Variants in STS observed in about 807,000 individuals in gnomAD.
STS encodes steryl-sulfatase.
A neutral mutation model predicts 26.8 loss-of-function variants in STS; 7 were observed. That is an observed-to-expected ratio of 0.26 (90% CI 0.15 to 0.49). The LOEUF is 0.49. Ranked by LOEUF, STS falls within the 20% of genes least tolerant of loss-of-function variation. The probability of loss-of-function intolerance (pLI) is 0.98; values close to 1 mark genes in which losing one functional copy is unlikely to be tolerated. For missense variants in STS, 434 were observed against 465.6 expected, an observed-to-expected ratio of 0.93 and a Z score of 0.63; for synonymous variants, 199 against 189.4, an observed-to-expected ratio of 1.05 and a Z score of -0.42.
chrX:7,325,658 G>A (rs1223096402), intron 9 of STS, among the ~76,000 whole-genome samples, 160 bp downstream of exon 9: 1 of 112,542 alleles, frequency 8.9e-6, no homozygotes, highest in African/African-American at 3.2e-5. Flanking sequence ...AGGATAAAAG[G>A]CATATACATT....
In STS at chrX:7,163,672, A is replaced by T. The variant is rs899678017; in HGVS notation, c.-134+15589A>T. On this transcript the variant is annotated intron_variant, in intron 1 of 10. Transcript: ENST00000674429. The stretch of plus-strand genomic sequence containing the variant: ...AATGTAGGTTTGCAATCCTTTGTCC[A>T]TAACCAAAAATAGAAAAGAAAAACA... 4.3e-4 allele frequency among the ~76,000 whole-genome samples: 48 copies of T among 112,660 alleles called. 1 individual carries two copies. The highest frequency in any genetic ancestry group is 3.4e-4 in the Non-Finnish European group (18 of 53,358).
chrX:7,194,910 G>C (rs1000452788), intron 2 of STS, among the ~76,000 whole-genome samples: 5 of 111,346 alleles, frequency 4.5e-5, no homozygotes, highest in Non-Finnish European at 7.5e-5. Context: ...GTATGGTATG[G>C]CCTATTGCTC....
intron 5 of STS, 52 bp from the exon 6 acceptor site, chrX:7,259,297 T>A: frequency 1.8e-6 from 2 of 1,112,428 alleles, no homozygotes; most frequent in Non-Finnish European, 2.5e-6. Flanking sequence ...AAGCTTGGAT[T>A]GGAATCAGGG....
rs139893307 is a variant in STS, at chrX:7,245,266, C to T, written c.-4-7930C>T. 7.4e-3 allele frequency among the ~76,000 whole-genome samples: 823 copies of T among 111,899 alleles called. 3 individuals carry two copies. The highest frequency in any genetic ancestry group is 0.013 in the Non-Finnish European group (676 of 53,185). On this transcript the variant is annotated intron_variant, in intron 2 of 10. Coordinates refer to ENST00000674429, the MANE Select transcript of STS (RefSeq NM_001320752.2). ...AAAACCTCTAGTGTGTCTCACTCTT[C>T]ATATTTAAAGACGGATGCTAATTTT...
intron 5 of STS, among the ~76,000 whole-genome samples, chrX:7,258,085 T>G (rs1923521829): frequency 1.0e-5 from 1 of 95,269 alleles, no homozygotes; most frequent in Non-Finnish European, 2.1e-5. Context: ...GCTAGATAGA[T>G]AGAGAAATAG....
intron 10 of STS, among the ~76,000 whole-genome samples, chrX:7,335,221 C>A (rs972751775): frequency 2.7e-5 from 3 of 112,402 alleles, no homozygotes; most frequent in Admixed American, 9.4e-5. Context: ...TACACTCCCA[C>A]CAACAGTGTA....
At chrX:7,286,711 G>A (rs1237210666) in intron 7 of STS, among the ~76,000 whole-genome samples, 2 of 111,544 alleles carry the variant, frequency 1.8e-5, no homozygotes, top group African/African-American at 6.5e-5. Context: ...ATTGCCAAAC[G>A]TATTTAATAA....
chrX:7,345,191 T>C (rs1400823419), intron 10 of STS, among the ~76,000 whole-genome samples: 1 of 111,394 alleles, frequency 9.0e-6, no homozygotes, highest in Non-Finnish European at 1.9e-5. Context: ...AACAAAAAGA[T>C]GCAGATGAAC....
intron 2 of STS, among the ~76,000 whole-genome samples, chrX:7,248,003 A>G (rs1340965759): frequency 6.3e-5 from 7 of 111,947 alleles, no homozygotes; most frequent in African/African-American, 2.3e-4. Flanking sequence ...ATGGGGGAGA[A>G]CTGCAAAAGA....
intron 8 of STS, among the ~76,000 whole-genome samples, chrX:7,325,060 G>C (rs1172744267): frequency 1.8e-5 from 2 of 111,721 alleles, no homozygotes; most frequent in African/African-American, 3.3e-5. Flanking sequence ...TGAATCTTTG[G>C]TGACTCAAAT....
intron 2 of STS, among the ~76,000 whole-genome samples, chrX:7,220,862 A>G (rs1455792041): frequency 9.0e-6 from 1 of 110,793 alleles, no homozygotes; most frequent in African/African-American, 3.3e-5. Context: ...GATGGTTTTT[A>G]TACCCTTAAG....
chrX:7,276,200 A>G (rs1924529497), intron 7 of STS, 113 bp downstream of exon 7: 1 of 1,020,179 alleles, frequency 9.8e-7, no homozygotes, highest in Admixed American at 2.5e-5. Context: ...CAGCAAATGT[A>G]TGGGGTTTTT....
intron 2 of STS, among the ~76,000 whole-genome samples, chrX:7,195,431 T>TCTGTGGAC (rs1465293761): frequency 8.9e-6 from 1 of 112,405 alleles, no homozygotes; most frequent in African/African-American, 3.2e-5. Context: ...GTGTTGTGGC[T>TCTGTGGAC]CTGTGGACCT....
Position 7,350,201 on chromosome X carries a change from T to G in STS, c.1677T>G (p.Pro559=). The G allele has an allele frequency of 8.3e-7, 1 of 1,211,842 alleles. No individual in the cohort carries two copies. Among genetic ancestry groups the G allele is most frequent in the Non-Finnish European group, 1.1e-6 (1 of 895,395 alleles). Residue 559 remains proline (P), a synonymous_variant, in exon 11 of 11, where the codon CCT becomes CCG. Transcript: ENST00000674429. ...LWKPWLQLCC[P]STGLSCQCDR... ...AGCCCTGGCTTCAGCTGTGCTGTCC[T>G]TCCACCGGCCTGTCTTGCCAGTGTG... is the stretch of plus-strand genomic sequence containing the variant.
chrX:7,276,972 A>G (rs748424357), intron 7 of STS, among the ~76,000 whole-genome samples: 3 of 111,724 alleles, frequency 2.7e-5, no homozygotes, highest in African/African-American at 9.8e-5. Flanking sequence ...AGATCCCAGG[A>G]TGGGGGATTA....
At chrX:7,214,453 G>C (rs1225423240) in intron 2 of STS, among the ~76,000 whole-genome samples, 1 of 112,422 alleles carries the variant, frequency 8.9e-6, no homozygotes, top group Non-Finnish European at 1.9e-5. Context: ...ATCTGAGTCA[G>C]TACACTACTC....
intron 10 of STS, among the ~76,000 whole-genome samples, chrX:7,342,692 AG>A (rs1307945858): frequency 8.9e-6 from 1 of 112,472 alleles, no homozygotes; most frequent in Admixed American, 9.4e-5. Context: ...CTGAATAGTT[AG>A]GGGGTTTGTG....
At chrX:7,218,797 C>G (rs1192868109) in intron 2 of STS, among the ~76,000 whole-genome samples, 1 of 112,081 alleles carries the variant, frequency 8.9e-6, no homozygotes, top group African/African-American at 3.2e-5. Flanking sequence ...GGTGGTATTT[C>G]AACTTAGCAA....
In STS at chrX:7,275,946, TGCA is replaced by T; in HGVS notation, c.807-3_807-1del. Reference sequence around the variant, plus strand: ...TTTCCTCCCTTTTTTTTTTTTTTTTTGCAGGAACACTGAGACTCCGTTCCTGCT... The same window carrying T: ...TTTCCTCCCTTTTTTTTTTTTTTTTTGGAACACTGAGACTCCGTTCCTGCT... On this transcript the variant is annotated splice_acceptor_variant and splice_polypyrimidine_tract_variant and intron_variant, in intron 6 of 10. Transcript: ENST00000674429. LOFTEE classifies it high-confidence loss of function. The T allele has an allele frequency of 8.8e-7, 1 of 1,139,298 alleles. No homozygotes were observed. The highest frequency in any genetic ancestry group is 1.2e-6 in the Non-Finnish European group (1 of 857,571). 93.9% of individuals were successfully genotyped at this position (1,139,298 alleles called of 1,213,427 possible).
Sources: allele counts gnomAD v4.1 joint callset (sites outside exome capture counted in the v4.1 genomes callset), GRCh38; gene constraint gnomAD v4.1.1; transcripts MANE v1.5; gene names NCBI Gene and HGNC (gene_info 2026-07-23, HGNC 2026-07-21).